The following USP32 variants were observed in gnomAD, a reference collection of about 807,000 sequenced individuals.
USP32 encodes the protein ubiquitin specific peptidase 32.
Under a neutral mutation model 204.8 loss-of-function variants are expected in USP32, and 59 were observed. That is an observed-to-expected ratio of 0.29 (90% CI 0.23 to 0.36). USP32 has a LOEUF of 0.36. Ranked by LOEUF, USP32 falls within the 10% of genes least tolerant of loss-of-function variation. The pLI is 1.00. For missense variants in USP32, 1,160 were observed against 1,946.4 expected, an observed-to-expected ratio of 0.60 and a Z score of 7.60; for synonymous variants, 517 against 678.4, an observed-to-expected ratio of 0.76 and a Z score of 3.70.
Position 60,344,375 on chromosome 17 carries a change from G to A in USP32, c.186+1106C>T, listed in dbSNP as rs556900508. Among the ~76,000 whole-genome samples the A allele has an allele frequency of 7.2e-5, 11 of 152,114 alleles. No individual in the cohort carries two copies. In the South Asian group the frequency reaches 1.9e-3, roughly 26 times the overall value. On this transcript the variant is annotated intron_variant, in intron 2 of 33. Coordinates refer to ENST00000300896, the MANE Select transcript of USP32 (RefSeq NM_032582.4). ...GAATTCCTGACCTCGTGATTCACCC[G>A]CCTCGGCCTCCCAAAGTGCGGGGAT...
At chr17:60,396,988 T>C (rs1376558248), upstream of USP32, among the ~76,000 whole-genome samples, 1 of 152,194 alleles carries the variant, frequency 6.6e-6, no homozygotes, top group Non-Finnish European at 1.5e-5. Context: ...CTTCCTAAGC[T>C]CCTGAAAAAA....
chr17:60,259,656 T>C (rs1446671343), intron 9 of USP32, among the ~76,000 whole-genome samples: 2 of 152,202 alleles, frequency 1.3e-5, no homozygotes, highest in Admixed American at 6.6e-5. Context: ...TCAATGAGCC[T>C]CCCATATTTG....
At chr17:60,198,005 T>A (rs2084568375) in intron 27 of USP32, among the ~76,000 whole-genome samples, 1 of 152,224 alleles carries the variant, frequency 6.6e-6, no homozygotes, top group African/African-American at 2.4e-5. Flanking sequence ...ACTTGAAGCA[T>A]TAGCAGGATG....
At chr17:60,394,412 C>T (rs2089885962), upstream of USP32, among the ~76,000 whole-genome samples, 2 of 152,158 alleles carry the variant, frequency 1.3e-5, no homozygotes, top group East Asian at 1.9e-4. Context: ...ATTTATCTAC[C>T]CACTTGATTT....
At chr17:60,189,272 G>A (rs1234480375) in intron 29 of USP32, among the ~76,000 whole-genome samples, 1 of 152,158 alleles carries the variant, frequency 6.6e-6, no homozygotes, top group African/African-American at 2.4e-5. Flanking sequence ...GGGCTCCCAG[G>A]AGCCTTGGTG....
intron 11 of USP32, among the ~76,000 whole-genome samples, chr17:60,244,962 A>G (rs2085976756): frequency 6.6e-6 from 1 of 152,212 alleles, no homozygotes; most frequent in Non-Finnish European, 1.5e-5. Flanking sequence ...ATTGATACTA[A>G]TTTATTCCAG....
At chr17:60,359,777 C>G (rs1474191240) in intron 1 of USP32, among the ~76,000 whole-genome samples, 1 of 152,052 alleles carries the variant, frequency 6.6e-6, no homozygotes, top group African/African-American at 2.4e-5. Context: ...AACCACTATA[C>G]TCCAGCATTC....
At chr17:60,191,383 C>A (rs1254035291) in intron 28 of USP32, among the ~76,000 whole-genome samples, 1 of 96,980 alleles carries the variant, frequency 1.0e-5, no homozygotes, top group Non-Finnish European at 1.8e-5. Flanking sequence ...GCCTGGGTGA[C>A]AGAGTGAGAC....
At chr17:60,242,465 T>C (rs1417813374) in intron 11 of USP32, among the ~76,000 whole-genome samples, 3 of 152,150 alleles carry the variant, frequency 2.0e-5, no homozygotes, top group Admixed American at 6.5e-5. Flanking sequence ...GGCTGGGGTG[T>C]AGTGGCATGG....
intron 10 of USP32, 136 bp from the exon 11 acceptor site, chr17:60,252,578 C>G (rs1400394260): frequency 6.7e-6 from 4 of 593,270 alleles, no homozygotes; most frequent in Admixed American, 3.8e-5. Context: ...TTCACTTGAG[C>G]AAATTTTAAC....
intron 2 of USP32, among the ~76,000 whole-genome samples, chr17:60,320,486 C>A (rs575806141): frequency 6.6e-6 from 1 of 152,200 alleles, no homozygotes. Context: ...TCCACACTCA[C>A]TCAGACTGGG....
intron 1 of USP32, among the ~76,000 whole-genome samples, chr17:60,358,596 A>G (rs1286039027): frequency 6.6e-6 from 1 of 152,104 alleles, no homozygotes; most frequent in East Asian, 1.9e-4. Flanking sequence ...TAAAAATAAA[A>G]ATAAAGGTAA....
intron 1 of USP32, among the ~76,000 whole-genome samples, chr17:60,419,037 T>A (rs1225928600): frequency 6.6e-6 from 1 of 152,200 alleles, no homozygotes. Flanking sequence ...GGAATATAAA[T>A]CATTCTACCA....
intron 1 of USP32, among the ~76,000 whole-genome samples, chr17:60,360,459 G>C (rs543419266): frequency 6.6e-6 from 1 of 152,044 alleles, no homozygotes; most frequent in African/African-American, 2.4e-5. Flanking sequence ...AGGAGTTCGA[G>C]ACCAGCCTGG....
At chr17:60,386,516 T>A (rs1198682257) in intron 1 of USP32, among the ~76,000 whole-genome samples, 1 of 152,196 alleles carries the variant, frequency 6.6e-6, no homozygotes, top group Non-Finnish European at 1.5e-5. Context: ...TTTCCAATGA[T>A]CCAAGCATGT....
intron 1 of USP32, among the ~76,000 whole-genome samples, chr17:60,370,323 G>T (rs1282904714): frequency 6.6e-6 from 1 of 151,832 alleles, no homozygotes. Flanking sequence ...AATGGGAAAG[G>T]TTCTACTTTG....
chr17:60,253,593 T>G (rs1291690401), intron 10 of USP32, among the ~76,000 whole-genome samples: 1 of 151,760 alleles, frequency 6.6e-6, no homozygotes, highest in African/African-American at 2.4e-5. Context: ...TGGTGAAACC[T>G]CGTCTCTACT....
chr17:60,211,292 A>G (rs2084960726), intron 20 of USP32, 84 bp downstream of exon 20: 1 of 1,538,606 alleles, frequency 6.5e-7, no homozygotes, highest in Admixed American at 2.1e-5. Context: ...TTTCTCCCAC[A>G]GGGTGAAAAA....
chr17:60,374,783 C>T (rs931034137), intron 1 of USP32, among the ~76,000 whole-genome samples: 1 of 152,112 alleles, frequency 6.6e-6, no homozygotes, highest in Admixed American at 6.5e-5. Flanking sequence ...TAAATGGCTA[C>T]GATGTCACTA....
Sources: gnomAD v4.1 joint callset for allele counts (sites outside exome capture counted in the v4.1 genomes callset) on GRCh38, gnomAD v4.1.1 for gene constraint, MANE v1.5 for transcripts, NCBI Gene and HGNC (gene_info 2026-07-23, HGNC 2026-07-21) for gene names.